Variants in BANK1 observed in about 807,000 individuals in gnomAD.
BANK1 encodes the protein B cell scaffold protein with ankyrin repeats 1.
A neutral mutation model predicts 94.5 loss-of-function variants in BANK1; 95 were observed. The observed-to-expected ratio is 1.00, with a 90% CI of 0.85 to 1.19. BANK1 has a LOEUF of 1.19. Among genes scored for constraint, BANK1 ranks in the 50% most tolerant of loss-of-function variants. The probability of loss-of-function intolerance (pLI) is 0.00; values close to 1 mark genes in which losing one functional copy is unlikely to be tolerated. For missense variants in BANK1, 987 were observed against 932.2 expected (o/e 1.06, Z -0.77); for synonymous variants, 334 against 308.4 (o/e 1.08, Z -0.87).
chr4:102,007,101 A>AATATATT (rs1560682042), intron 7 of BANK1, among the ~76,000 whole-genome samples: 5 of 66,752 alleles, frequency 7.5e-5, no homozygotes, highest in Non-Finnish European at 1.3e-4. Context: ...TAATATATTT[A>AATATATT]TATATATATA....
At chr4:101,981,460 C>T (rs186813697) in intron 7 of BANK1, among the ~76,000 whole-genome samples, 186 of 152,084 alleles carry the variant, frequency 1.2e-3, no homozygotes, top group Non-Finnish European at 2.3e-3. Flanking sequence ...AATGTGCTGA[C>T]GGCTTCTGAT....
intron 7 of BANK1, among the ~76,000 whole-genome samples, chr4:101,923,888 A>G (rs1356207470): frequency 3.3e-5 from 5 of 151,796 alleles, no homozygotes; most frequent in Admixed American, 6.6e-5. Context: ...AAAACTTAAC[A>G]TTTGATATGG....
At chr4:101,925,812 T>A (rs763750485) in intron 7 of BANK1, among the ~76,000 whole-genome samples, 1 of 151,678 alleles carries the variant, frequency 6.6e-6, no homozygotes, top group African/African-American at 2.4e-5. Context: ...ACCAATTAGC[T>A]TGTGTAGAAC....
intron 7 of BANK1, among the ~76,000 whole-genome samples, chr4:101,931,143 C>G (rs1723325681): frequency 6.6e-6 from 1 of 151,524 alleles, no homozygotes; most frequent in Non-Finnish European, 1.5e-5. Flanking sequence ...TTTATTGACT[C>G]TCAAGAGTAT....
chr4:101,840,792 T>G (rs1372355946), intron 2 of BANK1, among the ~76,000 whole-genome samples: 1 of 152,202 alleles, frequency 6.6e-6, no homozygotes, highest in Admixed American at 6.5e-5. Context: ...TTTCTGTGTG[T>G]GTGTCTTGAA....
chr4:102,004,475 C>G (rs1462616292), intron 7 of BANK1, among the ~76,000 whole-genome samples: 2 of 152,134 alleles, frequency 1.3e-5, no homozygotes, highest in African/African-American at 4.8e-5. Flanking sequence ...TTTTCTTCTG[C>G]ATTTTATTTA....
At chr4:102,021,223 G>A (rs1726886206) in intron 7 of BANK1, among the ~76,000 whole-genome samples, 1 of 151,928 alleles carries the variant, frequency 6.6e-6, no homozygotes, top group Non-Finnish European at 1.5e-5. Context: ...ATTTTATTCA[G>A]AACTTCTTTA....
intron 2 of BANK1, among the ~76,000 whole-genome samples, chr4:101,846,207 A>C (rs990060966): frequency 2.6e-5 from 4 of 152,226 alleles, no homozygotes; most frequent in Admixed American, 2.6e-4. Context: ...TGGATTAAGA[A>C]AATGTGGCAC....
At chr4:101,934,953 C>T (rs1723480214) in intron 7 of BANK1, among the ~76,000 whole-genome samples, 1 of 151,426 alleles carries the variant, frequency 6.6e-6, no homozygotes, top group Non-Finnish European at 1.5e-5. Flanking sequence ...CATGAGGTCT[C>T]CTCTGACCAT....
chr4:101,834,163 T>C (rs1003826007), intron 2 of BANK1, among the ~76,000 whole-genome samples: 6 of 152,184 alleles, frequency 3.9e-5, no homozygotes, highest in Non-Finnish European at 8.8e-5. Flanking sequence ...TGATGAGTAT[T>C]TTTAGGTGGA....
intron 6 of BANK1, among the ~76,000 whole-genome samples, chr4:101,907,987 A>G (rs962696678): frequency 6.6e-6 from 1 of 152,220 alleles, no homozygotes; most frequent in Non-Finnish European, 1.5e-5. Flanking sequence ...TGCCCAAGGT[A>G]ATTTATAGAT....
chr4:101,867,730 A>G (rs1487444780), intron 4 of BANK1, among the ~76,000 whole-genome samples: 2 of 151,152 alleles, frequency 1.3e-5, no homozygotes, highest in Non-Finnish European at 3.0e-5. Flanking sequence ...ATGCACATGT[A>G]CCCTAAAACT....
At chr4:101,866,282 C>G (rs1210400203) in intron 4 of BANK1, among the ~76,000 whole-genome samples, 3 of 151,992 alleles carry the variant, frequency 2.0e-5, no homozygotes, top group Non-Finnish European at 2.9e-5. Context: ...GAAGACAGGT[C>G]AATGAAAACT....
chr4:101,914,068 C>T (rs527670933), intron 6 of BANK1, among the ~76,000 whole-genome samples: 1 of 152,306 alleles, frequency 6.6e-6, no homozygotes, highest in African/African-American at 2.4e-5. Context: ...CTGAGAACAA[C>T]AGAGTAACTA....
chr4:101,967,734 A>T (rs1306120133), intron 7 of BANK1, among the ~76,000 whole-genome samples: 1 of 152,040 alleles, frequency 6.6e-6, no homozygotes, highest in Non-Finnish European at 1.5e-5. Context: ...ATTAAACCTT[A>T]ACTTAATTAT....
intron 7 of BANK1, among the ~76,000 whole-genome samples, chr4:102,003,794 GTAAA>G (rs1252464688): frequency 6.6e-6 from 1 of 151,552 alleles, no homozygotes; most frequent in East Asian, 1.9e-4. Flanking sequence ...ATATAAATAT[GTAAA>G]TATATATTTC....
chr4:101,864,873 A>G (rs1728010268), intron 4 of BANK1, among the ~76,000 whole-genome samples: 1 of 152,168 alleles, frequency 6.6e-6, no homozygotes, highest in Non-Finnish European at 1.5e-5. Context: ...TCTATGTCAC[A>G]TTCTTTCCTC....
chr4:101,888,951 A>T (rs1346196994), intron 5 of BANK1, among the ~76,000 whole-genome samples: 2 of 152,174 alleles, frequency 1.3e-5, no homozygotes, highest in African/African-American at 4.8e-5. Context: ...CACACCCCTC[A>T]TCAAAGAGAG....
rs569568884 is a variant in BANK1 at position 101,854,898 on chromosome 4, A to G, written c.470-137A>G. 8.4e-6 allele frequency: 5 copies of G among 592,588 alleles called. No individual in the cohort carries two copies. The South Asian group carries it at 1.1e-4, about 13-fold the overall frequency. The allele number at this position is 592,588 out of a possible 1,614,324, so 36.7% of individuals were successfully genotyped here. ...TTATTTTAATTATTAACATTGGTTC[A>G]ATTATTTCAGCTATCTTAAACTCAG... On this transcript the variant is annotated intron_variant, in intron 2 of 16. Transcript: ENST00000322953.
Sources: gnomAD v4.1 joint callset for allele counts (sites outside exome capture counted in the v4.1 genomes callset) on GRCh38, gnomAD v4.1.1 for gene constraint, MANE v1.5 for transcripts, NCBI Gene and HGNC (gene_info 2026-07-23, HGNC 2026-07-21) for gene names.